The following MCOLN2 variants were observed in gnomAD, a reference collection of about 807,000 sequenced individuals.
The protein encoded by MCOLN2 is mucolipin-2.
A neutral mutation model predicts 67.5 loss-of-function variants in MCOLN2; 57 were observed. The ratio of observed to expected loss-of-function variants is 0.84; its 90% CI spans 0.68 to 1.05. The LOEUF (loss-of-function observed/expected upper bound fraction) is 1.05. MCOLN2 is among the 50% of genes least tolerant of loss of function. The probability of loss-of-function intolerance (pLI) is 0.00; values close to 1 mark genes in which losing one functional copy is unlikely to be tolerated. For missense variants in MCOLN2, 620 were observed against 678.8 expected (o/e 0.91, Z 0.96); for synonymous variants, 246 against 233.3 (o/e 1.05, Z -0.50).
Position 84,931,706 on chromosome 1 carries a change from A to T in MCOLN2, c.1336-138T>A. The T allele has an allele frequency of 5.6e-6, 4 of 714,804 alleles. 1 individual carries two copies. In the South Asian group the frequency reaches 7.6e-5, roughly 14 times the overall value. The allele number at this position is 714,804 out of a possible 1,614,324, so 44.3% of individuals were successfully genotyped here. ...ACTTATTTTAAGATGCTAGAACACC[A>T]TAAGAAGTAGGAAAACATTATTCAA... On this transcript the variant is annotated intron_variant, in intron 11 of 13. Coordinates refer to ENST00000370608, the MANE Select transcript of MCOLN2 (RefSeq NM_153259.4).
At chr1:84,936,202 T>C (rs939594000) in intron 11 of MCOLN2, among the ~76,000 whole-genome samples, 2 of 152,146 alleles carry the variant, frequency 1.3e-5, no homozygotes, top group Admixed American at 6.5e-5. Flanking sequence ...TTGGGCACCA[T>C]GCCTAACAGA....
Position 84,929,255 on chromosome 1 carries a change from C to T in MCOLN2, c.1664+303G>A, listed in dbSNP as rs530715672. Among the ~76,000 whole-genome samples, 53 of 152,326 alleles carry T rather than the reference C, an allele frequency of 3.5e-4. No homozygotes were observed. In the South Asian group the frequency reaches 4.8e-3, roughly 14 times the overall value. The stretch of plus-strand genomic sequence containing the variant: ...CACCTCTAAAAATAAGAGCTTTGAC[C>T]TCTTACTTGGGCCACTTAAGAGTTC... On this transcript the variant is annotated intron_variant, in intron 13 of 13. Coordinates refer to ENST00000370608, the MANE Select transcript of MCOLN2 (RefSeq NM_153259.4).
intron 1 of MCOLN2, among the ~76,000 whole-genome samples, chr1:84,993,616 T>A (rs1461238293): frequency 6.9e-6 from 1 of 144,814 alleles, no homozygotes; most frequent in South Asian, 2.1e-4. Flanking sequence ...TCTTAAATAA[T>A]GTCTTTTTTT....
At chr1:84,931,333 T>C (rs1557627607) in intron 12 of MCOLN2, 29 bp downstream of exon 12, 1 of 1,295,798 alleles carries the variant, frequency 7.7e-7, no homozygotes, top group East Asian at 2.3e-5. Context: ...GCAGTGATTT[T>C]TTGGCAGCAA....
At chr1:84,938,975 A>G (rs1647591472) in intron 9 of MCOLN2, among the ~76,000 whole-genome samples, 1 of 152,164 alleles carries the variant, frequency 6.6e-6, no homozygotes, top group Non-Finnish European at 1.5e-5. Context: ...AGAAAGGAAG[A>G]AGCCTGAAGA....
chr1:84,996,979 C>T lies in MCOLN2; in HGVS notation c.-107G>A. ...CGTAACGCGTCCGCCGAAGTTGGAG[C>T]CCTGCAAAGCGGGGTTCCCTTCTCT... On this transcript the variant is annotated 5_prime_UTR_variant, in exon 1 of 14. Transcript: ENST00000370608. The T allele has an allele frequency of 9.9e-7, 1 of 1,013,146 alleles. No individual in the cohort carries two copies. 62.8% of individuals were successfully genotyped at this position (1,013,146 alleles called of 1,614,324 possible). A position where few individuals can be genotyped will look rare whatever the true frequency, so the allele number is the denominator to read the frequency against.
At chr1:84,970,617 A>T in intron 1 of MCOLN2, among the ~76,000 whole-genome samples, 1 of 152,182 alleles carries the variant, frequency 6.6e-6, no homozygotes, top group Non-Finnish European at 1.5e-5. Flanking sequence ...CAGGAGGCAG[A>T]GGTTGCAGTG....
chr1:84,939,906 A>C (rs1179708617), intron 8 of MCOLN2, among the ~76,000 whole-genome samples: 1 of 152,226 alleles, frequency 6.6e-6, no homozygotes, highest in Non-Finnish European at 1.5e-5. Context: ...AAGTTACCTC[A>C]AATATGAAAT....
At chr1:84,941,542 C>T (rs912127045) in intron 7 of MCOLN2, among the ~76,000 whole-genome samples, 14 of 152,084 alleles carry the variant, frequency 9.2e-5, no homozygotes, top group Admixed American at 2.6e-4. Flanking sequence ...ACTATGTGAG[C>T]TGCTAATAAA....
chr1:84,938,578 G>A (rs1647569449), intron 9 of MCOLN2, among the ~76,000 whole-genome samples: 1 of 152,234 alleles, frequency 6.6e-6, no homozygotes, highest in South Asian at 2.1e-4. Context: ...GCTAAATGCA[G>A]TGAAAGACAC....
intron 1 of MCOLN2, among the ~76,000 whole-genome samples, chr1:84,996,328 C>T (rs1651144467): frequency 1.4e-5 from 2 of 144,584 alleles, no homozygotes; most frequent in South Asian, 2.2e-4. Context: ...CAATGACACA[C>T]AATTTTGTTT....
chr1:84,941,124 G>A, intron 7 of MCOLN2, 133 bp from the exon 8 acceptor site: 2 of 624,338 alleles, frequency 3.2e-6, no homozygotes, highest in Non-Finnish European at 5.6e-6. Context: ...GTAAATATCA[G>A]AAACAAATCA....
intron 1 of MCOLN2, among the ~76,000 whole-genome samples, chr1:84,984,277 G>C (rs1650397690): frequency 1.3e-5 from 2 of 151,928 alleles, no homozygotes; most frequent in South Asian, 2.1e-4. Context: ...CATTTGTTTA[G>C]TTTTCTGCAT....
Position 84,926,666 on chromosome 1 carries a change from A to G in MCOLN2, c.*19T>C. On this transcript the variant is annotated 3_prime_UTR_variant, in exon 14 of 14. Coordinates refer to ENST00000370608, the MANE Select transcript of MCOLN2 (RefSeq NM_153259.4). ...CGCTGGATAAGGATGCCTGAACTTT[A>G]ATCATCTTTAGCAGAACTTTAGCTA... 1 of 1,574,344 alleles carries G rather than the reference A, an allele frequency of 6.4e-7. No individual in the cohort carries two copies. The highest frequency in any genetic ancestry group is 8.7e-7 in the Non-Finnish European group (1 of 1,154,478).
At chr1:84,934,810 T>G (rs1647333214) in intron 11 of MCOLN2, among the ~76,000 whole-genome samples, 1 of 152,222 alleles carries the variant, frequency 6.6e-6, no homozygotes, top group African/African-American at 2.4e-5. Context: ...GAAAGGGCAC[T>G]GTGCCAAAGT....
At chr1:84,937,565 T>C in intron 11 of MCOLN2, 190 bp downstream of exon 11, 1 of 1,359,344 alleles carries the variant, frequency 7.4e-7, no homozygotes. Flanking sequence ...ACAGTTCTTG[T>C]TTCAATATCC....
intron 2 of MCOLN2, among the ~76,000 whole-genome samples, chr1:84,961,728 A>G (rs1027906953): frequency 4.6e-5 from 7 of 152,180 alleles, no homozygotes; most frequent in Admixed American, 4.6e-4. Flanking sequence ...TTAGACATTA[A>G]GATTTGCTGA....
At chr1:84,957,966 T>TTA (rs1648880855) in intron 3 of MCOLN2, among the ~76,000 whole-genome samples, 2 of 152,268 alleles carry the variant, frequency 1.3e-5, no homozygotes, top group Admixed American at 1.3e-4. Context: ...TCTACTAATC[T>TTA]GCTTTCTCAT....
intron 2 of MCOLN2, among the ~76,000 whole-genome samples, chr1:84,965,143 T>C (rs1304945086): frequency 6.6e-6 from 1 of 152,166 alleles, no homozygotes; most frequent in Non-Finnish European, 1.5e-5. Flanking sequence ...GGGATCAGTA[T>C]TTACTTAGAT....
Sources: allele counts gnomAD v4.1 joint callset (sites outside exome capture counted in the v4.1 genomes callset), GRCh38; gene constraint gnomAD v4.1.1; transcripts MANE v1.5; gene names NCBI Gene and HGNC (gene_info 2026-07-23, HGNC 2026-07-21).